The following C6 variants were observed in gnomAD, a reference collection of about 807,000 sequenced individuals.
C6 encodes the protein complement C6.
In C6, 101 loss-of-function variants were observed where a neutral mutation model predicts 112.9. The ratio of observed to expected loss-of-function variants is 0.89; its 90% confidence interval spans 0.76 to 1.06. C6 has a LOEUF of 1.06. Among genes scored for constraint, C6 ranks in the 50% least tolerant of loss-of-function variants. The pLI is 0.00. For synonymous variants in C6, 431 were observed against 384.1 expected (o/e 1.12, Z -1.43); for missense variants, 1,202 against 1,104.6 (o/e 1.09, Z -1.25).
At chr5:41,231,819 A>T (rs980827234) in intron 1 of C6, among the ~76,000 whole-genome samples, 2 of 151,846 alleles carry the variant, frequency 1.3e-5, no homozygotes, top group Non-Finnish European at 2.9e-5. Context: ...ACTGTGTGTG[A>T]AAAAATCACA....
intron 6 of C6, among the ~76,000 whole-genome samples, chr5:41,184,771 G>A (rs1749641862): frequency 6.6e-6 from 1 of 152,008 alleles, no homozygotes; most frequent in South Asian, 2.1e-4. Context: ...ACCACACCCG[G>A]CTAAGCCTAA....
intron 6 of C6, among the ~76,000 whole-genome samples, chr5:41,183,312 T>G (rs1157838229): frequency 5.3e-5 from 8 of 152,210 alleles, no homozygotes; most frequent in Non-Finnish European, 8.8e-5. Context: ...TTTAATGTGT[T>G]TACCTGTGAG....
chr5:41,251,315 C>A (rs1310805433), intron 1 of C6, among the ~76,000 whole-genome samples: 1 of 152,060 alleles, frequency 6.6e-6, no homozygotes, highest in Non-Finnish European at 1.5e-5. Context: ...ATAGGGGCAG[C>A]CTGAAATTGT....
rs576116225 is a variant in C6, at chr5:41,243,393, A to G, written c.-21+17801T>C. ...TTTTGTGCCATTACAGGCATTTCAA[A>G]TAATTGTTTACTTAGTGATTTGTTA... On this transcript the variant is annotated intron_variant, in intron 1 of 17. Coordinates refer to the C6 transcript ENST00000263413. Among the ~76,000 whole-genome samples, 4 of 152,328 alleles carry G rather than the reference A, an allele frequency of 2.6e-5. No individual in the cohort carries two copies. In the South Asian group the frequency reaches 8.3e-4, roughly 32 times the overall value.
intron 16 of C6, 80 bp from the exon 17 acceptor site, chr5:41,149,562 A>C: frequency 1.9e-6 from 3 of 1,573,344 alleles, no homozygotes; most frequent in Non-Finnish European, 2.6e-6. Flanking sequence ...TAGTGTGTTC[A>C]CTCACCAACC....
In C6 at chr5:41,142,967, C is replaced by A; in HGVS notation, c.2663G>T (p.Cys888Phe). 1 of 1,613,460 alleles carries A rather than the reference C, an allele frequency of 6.2e-7. No homozygotes were observed. The highest frequency in any genetic ancestry group is 1.6e-4 in the Middle Eastern group (1 of 6,062). Residue 888 changes from cysteine (C) to phenylalanine (F), a missense_variant, in exon 18 of 18, where the codon TGC becomes TTC. Transcript: ENST00000337836. ...GTAGAGTTGGTTTCCACCCTTGAAG[C>A]ACTGTGGGGGCAATAGGCAGACACA... ...SKCVCLLPPQ[C>F]FKGGNQLYCV...
chr5:41,225,865 T>G (rs1362513905), intron 1 of C6, among the ~76,000 whole-genome samples: 1 of 152,174 alleles, frequency 6.6e-6, no homozygotes, highest in African/African-American at 2.4e-5. Flanking sequence ...GATTCCCTAT[T>G]TAATAAATGG....
At chr5:41,201,395 TC>T (rs1181574010) in intron 3 of C6, among the ~76,000 whole-genome samples, 162 bp downstream of exon 3, 1 of 151,876 alleles carries the variant, frequency 6.6e-6, no homozygotes, top group Admixed American at 6.6e-5. Context: ...AACCCCCTCT[TC>T]CCCCCACAAA....
chr5:41,224,041 TTTAA>T (rs1345683071), intron 1 of C6, among the ~76,000 whole-genome samples: 1 of 152,206 alleles, frequency 6.6e-6, no homozygotes, highest in Non-Finnish European at 1.5e-5. Context: ...TATAATTTTC[TTTAA>T]TTGACAAAAA....
intron 1 of C6, among the ~76,000 whole-genome samples, chr5:41,211,912 G>A (rs1751963756): frequency 2.0e-5 from 3 of 152,122 alleles, no homozygotes; most frequent in Admixed American, 2.0e-4. Context: ...ACTTCCAAAA[G>A]CTTGAAAGGT....
At chr5:41,215,814 G>A (rs1752177768), upstream of C6, among the ~76,000 whole-genome samples, 1 of 152,054 alleles carries the variant, frequency 6.6e-6, no homozygotes, top group Non-Finnish European at 1.5e-5. Flanking sequence ...TAGCCAAATG[G>A]TATTTTCTGC....
In C6 at chr5:41,196,027, A is replaced by T. The variant is rs796274239; in HGVS notation, c.446-94T>A. 4.2e-6 allele frequency: 6 copies of T among 1,444,170 alleles called. No individual in the cohort carries two copies. The African/African-American group carries it at 7.0e-5, about 17-fold the overall frequency. 89.5% of individuals were successfully genotyped at this position (1,444,170 alleles called of 1,614,324 possible). A position where few individuals can be genotyped will look rare whatever the true frequency, so the allele number is the denominator to read the frequency against. Reference sequence around the variant, plus strand: ...ACTCAAATGCTTTAAATTTCAAGGTAAAGTTGAAGGCAAGTCTTCACTGTT... The same window carrying T: ...ACTCAAATGCTTTAAATTTCAAGGTTAAGTTGAAGGCAAGTCTTCACTGTT... On this transcript the variant is annotated intron_variant, in intron 4 of 17. Coordinates refer to ENST00000337836, the MANE Select transcript of C6 (RefSeq NM_000065.5).
chr5:41,209,881 G>A (rs945165853), intron 1 of C6, among the ~76,000 whole-genome samples: 3 of 152,128 alleles, frequency 2.0e-5, no homozygotes, highest in African/African-American at 4.8e-5. Flanking sequence ...AGGTTCATAT[G>A]GTACCAAAAA....
At chr5:41,250,983 C>T (rs906924179) in intron 1 of C6, among the ~76,000 whole-genome samples, 8 of 152,022 alleles carry the variant, frequency 5.3e-5, no homozygotes, top group East Asian at 1.9e-4. Flanking sequence ...TTTTGTCAAT[C>T]GTTTGATCAG....
intron 1 of C6, among the ~76,000 whole-genome samples, chr5:41,249,263 A>G (rs1277950859): frequency 6.6e-6 from 1 of 152,222 alleles, no homozygotes; most frequent in East Asian, 1.9e-4. Context: ...ACAAAACTGC[A>G]CATGCTTTCC....
intron 9 of C6, among the ~76,000 whole-genome samples, chr5:41,165,698 C>T (rs976054198): frequency 6.6e-6 from 1 of 152,046 alleles, no homozygotes; most frequent in Non-Finnish European, 1.5e-5. Flanking sequence ...TTAGTATAGC[C>T]TAGGCTTTGT....
At chr5:41,202,945 A>C in intron 2 of C6, 143 bp downstream of exon 2, 1 of 838,102 alleles carries the variant, frequency 1.2e-6, no homozygotes, top group Non-Finnish European at 2.0e-6. Flanking sequence ...CATAAGAGAG[A>C]GACTTCAAAT....
intron 1 of C6, among the ~76,000 whole-genome samples, chr5:41,245,267 C>A (rs374843736): frequency 6.6e-6 from 1 of 152,136 alleles, no homozygotes; most frequent in South Asian, 2.1e-4. Context: ...TGGTGGCTCA[C>A]GCCTGTAATC....
At chr5:41,197,763 G>T (rs1247401009) in intron 4 of C6, among the ~76,000 whole-genome samples, 2 of 152,110 alleles carry the variant, frequency 1.3e-5, no homozygotes, top group Non-Finnish European at 2.9e-5. Flanking sequence ...ATGTGACATG[G>T]GTGAGAATGG....
Sources: allele counts gnomAD v4.1 joint callset (sites outside exome capture counted in the v4.1 genomes callset), GRCh38; gene constraint gnomAD v4.1.1; transcripts MANE v1.5; gene names NCBI Gene and HGNC (gene_info 2026-07-23, HGNC 2026-07-21).